Variants in DOCK2 observed in about 807,000 individuals in gnomAD.
The protein encoded by DOCK2 is dedicator of cytokinesis protein 2.
DOCK2 carries 87 observed loss-of-function variants against 248.9 expected under a neutral mutation model. The observed-to-expected ratio is 0.35, with a 90% CI of 0.29 to 0.42. The LOEUF is 0.42. Ranked by LOEUF, DOCK2 falls within the 10% of genes least tolerant of loss-of-function variation. The pLI is 1.00. For missense variants in DOCK2, 1,747 were observed against 2,300.2 expected (o/e 0.76, Z 4.92); for synonymous variants, 805 against 821.6 (o/e 0.98, Z 0.35).
rs139459751 is a variant in DOCK2 at position 169,995,839 on chromosome 5, A to G, written c.2994-247A>G. Among the ~76,000 whole-genome samples, 4 of 152,314 alleles carry G rather than the reference A, an allele frequency of 2.6e-5. No homozygotes were observed. The East Asian group carries it at 7.7e-4, about 29-fold the overall frequency. On this transcript the variant is annotated intron_variant, in intron 29 of 51. Coordinates refer to ENST00000520908, the MANE Select transcript of DOCK2 (RefSeq NM_004946.3). ...GAATTTTCTTCCATAAGCTTGTAAT[A>G]TCTTAAACATAAGACAATGCAAATT... is the stretch of plus-strand genomic sequence containing the variant.
At chr5:170,058,848 G>A (rs1011364561) in intron 44 of DOCK2, among the ~76,000 whole-genome samples, 11 of 152,130 alleles carry the variant, frequency 7.2e-5, no homozygotes, top group East Asian at 3.8e-4. Context: ...TCTTTTCAGC[G>A]AACCCAGCAG....
intron 27 of DOCK2, among the ~76,000 whole-genome samples, chr5:169,941,358 C>T (rs1466358033): frequency 6.6e-6 from 1 of 152,090 alleles, no homozygotes; most frequent in Non-Finnish European, 1.5e-5. Context: ...CAGGCCTGTG[C>T]CCCCAGGCCC....
At chr5:169,813,325 T>A (rs1767871553) in intron 26 of DOCK2, among the ~76,000 whole-genome samples, 1 of 152,234 alleles carries the variant, frequency 6.6e-6, no homozygotes. Flanking sequence ...TTATCTACCC[T>A]CTTGAGGTTA....
rs73325925 is a variant in DOCK2 at position 169,892,334 on chromosome 5, A to G, written c.2799+51482A>G. Among the ~76,000 whole-genome samples the G allele has an allele frequency of 8.6e-3, 1,304 of 152,360 alleles. 20 individuals are homozygous for G. The highest frequency in any genetic ancestry group is 0.027 in the African/African-American group (1,139 of 41,574). ...AAGAAGAACAAACTTGCTGGTGTGT[A>G]TCCCCTACACCCGCACAGCTTCTAG... On this transcript the variant is annotated intron_variant, in intron 27 of 51. Coordinates refer to ENST00000520908, the MANE Select transcript of DOCK2 (RefSeq NM_004946.3).
At chr5:169,732,291 T>C (rs1019752328) in intron 22 of DOCK2, among the ~76,000 whole-genome samples, 1 of 152,190 alleles carries the variant, frequency 6.6e-6, no homozygotes, top group African/African-American at 2.4e-5. Flanking sequence ...CACAGAACTC[T>C]TTTTGTATTC....
intron 25 of DOCK2, 107 bp from the exon 26 acceptor site, chr5:169,802,951 A>T: frequency 7.6e-7 from 1 of 1,308,774 alleles, no homozygotes; most frequent in Non-Finnish European, 1.0e-6. Flanking sequence ...TTACAAGGAG[A>T]ATGTCTTCAT....
Position 169,717,541 on chromosome 5 carries a change from T to A in DOCK2, c.2132+57T>A, listed in dbSNP as rs901340062. 2.7e-6 allele frequency: 4 copies of A among 1,491,526 alleles called. No homozygotes were observed. The African/African-American group carries it at 5.5e-5, about 21-fold the overall frequency. 92.4% of individuals were successfully genotyped at this position (1,491,526 alleles called of 1,614,324 possible). The stretch of plus-strand genomic sequence containing the variant: ...CTACCACCCTCTTGCCCTGCCAGGA[T>A]GCCTAGGGCACAGGAACTTGAGTAA... On this transcript the variant is annotated intron_variant, in intron 21 of 51. Coordinates refer to ENST00000520908, the MANE Select transcript of DOCK2 (RefSeq NM_004946.3).
At chr5:170,029,974 A>G (rs978300417) in intron 34 of DOCK2, among the ~76,000 whole-genome samples, 8 of 152,188 alleles carry the variant, frequency 5.3e-5, no homozygotes, top group Non-Finnish European at 1.0e-4. Context: ...TGCAAATGCC[A>G]TTTGGCCAGA....
chr5:169,756,517 G>A (rs561268484), intron 23 of DOCK2, among the ~76,000 whole-genome samples: 1 of 152,344 alleles, frequency 6.6e-6, no homozygotes, highest in South Asian at 2.1e-4. Flanking sequence ...AGAGGCTGAG[G>A]CTCAAGGAGT....
intron 27 of DOCK2, among the ~76,000 whole-genome samples, chr5:169,975,486 T>C (rs1283190814): frequency 1.3e-5 from 2 of 152,138 alleles, no homozygotes; most frequent in African/African-American, 2.4e-5. Flanking sequence ...TACGGAGCCT[T>C]CCCTCAGTCA....
chr5:169,861,106 C>T (rs1771170205), intron 27 of DOCK2, among the ~76,000 whole-genome samples: 1 of 152,176 alleles, frequency 6.6e-6, no homozygotes, highest in Non-Finnish European at 1.5e-5. Flanking sequence ...TGCTGCCTCC[C>T]TCACTCACGG....
chr5:169,741,803 ATTTTTTTTTTTTT>A (rs33955559), intron 22 of DOCK2, among the ~76,000 whole-genome samples: 1 of 82,420 alleles, frequency 1.2e-5, no homozygotes, highest in Non-Finnish European at 2.3e-5. Flanking sequence ...ATCTTTTACT[ATTTTTTTTTTTTT>A]TTTTTTTTTT....
intron 4 of DOCK2, 122 bp from the exon 5 acceptor site, chr5:169,670,956 T>G (rs1400606865): frequency 1.9e-4 from 136 of 703,570 alleles, no homozygotes; most frequent in Non-Finnish European, 2.4e-6. Context: ...CTATTGGAGG[T>G]GTTTTAGTCT....
chr5:169,929,464 T>C (rs1347131549), intron 27 of DOCK2, among the ~76,000 whole-genome samples: 1 of 151,946 alleles, frequency 6.6e-6, no homozygotes, highest in Admixed American at 6.6e-5. Context: ...TGGCCAGGTG[T>C]GGTGGCTTAT....
intron 43 of DOCK2, chr5:170,057,158 C>T (rs982806543): frequency 2.9e-6 from 1 of 349,576 alleles, no homozygotes; most frequent in Non-Finnish European, 5.4e-6. Context: ...TGTGTGTGTC[C>T]AGCTAGGATT....
intron 36 of DOCK2, 112 bp downstream of exon 36, chr5:170,036,667 T>G (rs1376716952): frequency 1.0e-6 from 1 of 993,536 alleles, no homozygotes; most frequent in Non-Finnish European, 1.5e-6. Context: ...CTTCTTGACA[T>G]TCAGGCCCTC....
intron 26 of DOCK2, among the ~76,000 whole-genome samples, chr5:169,826,293 G>T (rs1264354269): frequency 6.6e-6 from 1 of 152,152 alleles, no homozygotes; most frequent in Non-Finnish European, 1.5e-5. Flanking sequence ...GAGTGGTTGA[G>T]CTCCCAAAGA....
chr5:169,663,199 C>T (rs996969162), intron 2 of DOCK2, among the ~76,000 whole-genome samples: 1 of 152,214 alleles, frequency 6.6e-6, no homozygotes, highest in African/African-American at 2.4e-5. Context: ...TTCCATGTCT[C>T]ACATCTATGC....
In DOCK2 at chr5:169,989,894, A is replaced by T. The variant is rs180726279; in HGVS notation, c.2993+3972A>T. On this transcript the variant is annotated intron_variant, in intron 29 of 51. Transcript: ENST00000520908. ...ATTTCTATGGTTTGGGTATAGCCAAACTACTTCACTGAAGCAGCAAATCTG... is the reference window on the plus strand; with the variant it reads ...ATTTCTATGGTTTGGGTATAGCCAATCTACTTCACTGAAGCAGCAAATCTG... Among the ~76,000 whole-genome samples, 3 of 152,244 alleles carry T rather than the reference A, an allele frequency of 2.0e-5. 1 individual carries two copies. Among genetic ancestry groups the T allele is most frequent in the African/African-American group, 7.2e-5 (3 of 41,540 alleles).
Sources: gnomAD v4.1 joint callset for allele counts (sites outside exome capture counted in the v4.1 genomes callset) on GRCh38, gnomAD v4.1.1 for gene constraint, MANE v1.5 for transcripts, NCBI Gene and HGNC (gene_info 2026-07-23, HGNC 2026-07-21) for gene names.